Variants in ZNF600 observed in about 807,000 individuals in gnomAD.
ZNF600 encodes zinc finger protein KR-ZNF1.
Under a neutral mutation model 7.3 loss-of-function variants are expected in ZNF600, and 4 were observed. That is an observed-to-expected ratio of 0.55 (90% CI 0.27 to 1.25). ZNF600 has a LOEUF of 1.25. Among genes scored for constraint, ZNF600 ranks in the 50% most tolerant of loss-of-function variants. The pLI is 0.12. For missense variants in ZNF600, 911 were observed against 922.1 expected (o/e 0.99, Z 0.16); for synonymous variants, 290 against 308.9 (o/e 0.94, Z 0.64).
At chr19:52,799,898 G>A in the ZNF600 span, 2 of 1,613,346 alleles carry the variant, frequency 1.2e-6, no homozygotes, top group South Asian at 1.1e-5. Context: ...GGTATACGAG[G>A]GATGACATCT....
the ZNF600 span, among the ~76,000 whole-genome samples, chr19:52,794,112 T>G: frequency 5.9e-5 from 9 of 151,708 alleles, no homozygotes; most frequent in African/African-American, 1.9e-4. Flanking sequence ...TAGAGCTCAG[T>G]GGAGAGGCCT....
the ZNF600 span, among the ~76,000 whole-genome samples, chr19:52,831,796 T>G: frequency 1.3e-5 from 2 of 151,492 alleles, no homozygotes; most frequent in Admixed American, 6.6e-5. Context: ...GTGCCACTGC[T>G]CCCATCCTAA....
At chr19:52,810,503 G>A in the ZNF600 span, 2 of 1,588,162 alleles carry the variant, frequency 1.3e-6, no homozygotes, top group South Asian at 2.2e-5. Context: ...CCTATTTAGA[G>A]GAAGGCAAAT....
chr19:52,790,025 G>A (rs1301425792), upstream of ZNF600, among the ~76,000 whole-genome samples: 2 of 152,116 alleles, frequency 1.3e-5, no homozygotes, highest in Non-Finnish European at 2.9e-5. Context: ...GCCAGGAGAA[G>A]GAATTTCACA....
the ZNF600 span, among the ~76,000 whole-genome samples, chr19:52,811,530 A>G: frequency 2.3e-4 from 29 of 128,778 alleles, no homozygotes; most frequent in East Asian, 4.8e-4. Flanking sequence ...TGTGGGGAGC[A>G]CCTCTGCCCC....
chr19:52,794,670 G>A, the ZNF600 span, among the ~76,000 whole-genome samples: 1 of 152,082 alleles, frequency 6.6e-6, no homozygotes, highest in Non-Finnish European at 1.5e-5. Context: ...CGTGGGAGAC[G>A]TGGTGAAACC....
At position 52,768,920 on chromosome 19, in the gene ZNF600, G is replaced by A. The variant is rs533453096; in HGVS notation, c.191-1148C>T. On this transcript the variant is annotated intron_variant, in intron 3 of 3. Coordinates refer to ENST00000648973, the Ensembl canonical transcript of ZNF600. ...TTATTCCAATATTATAATAATCCTC[G>A]CTCTATAATCATAACCTAAGAAAAG... 9.7e-4 allele frequency among the ~76,000 whole-genome samples: 147 copies of A among 152,082 alleles called. 1 individual carries two copies. In the Middle Eastern group the frequency reaches 0.024, roughly 25 times the overall value.
intron 1 of ZNF600, among the ~76,000 whole-genome samples, chr19:52,782,194 C>T (rs2062728140): frequency 6.6e-6 from 1 of 152,110 alleles, no homozygotes; most frequent in South Asian, 2.1e-4. Flanking sequence ...TGCCACTGCA[C>T]TCCAGCCTGG....
At chr19:52,797,170 C>T in the ZNF600 span, among the ~76,000 whole-genome samples, 1 of 152,234 alleles carries the variant, frequency 6.6e-6, no homozygotes, top group African/African-American at 2.4e-5. Context: ...AAGCATTTCA[C>T]AAAATTCAAC....
chr19:52,791,940 T>C, the ZNF600 span, among the ~76,000 whole-genome samples: 2 of 152,210 alleles, frequency 1.3e-5, no homozygotes, highest in Non-Finnish European at 2.9e-5. Flanking sequence ...AATGGAGGAC[T>C]CAGAGCTTCG....
At chr19:52,788,979 G>C (rs920452346), upstream of ZNF600, among the ~76,000 whole-genome samples, 1 of 152,184 alleles carries the variant, frequency 6.6e-6, no homozygotes, top group African/African-American at 2.4e-5. Flanking sequence ...TCTGCTCTCC[G>C]CTTGGGGACT....
the ZNF600 span, among the ~76,000 whole-genome samples, chr19:52,827,534 G>T: frequency 6.6e-6 from 1 of 151,774 alleles, no homozygotes; most frequent in Admixed American, 6.6e-5. Context: ...CATGCCCAGT[G>T]CAGCCTCTAT....
chr19:52,804,617 G>A, the ZNF600 span, among the ~76,000 whole-genome samples: 2 of 152,056 alleles, frequency 1.3e-5, no homozygotes, highest in Non-Finnish European at 2.9e-5. Context: ...GTGATCAACC[G>A]ATCGCAGTCT....
the ZNF600 span, chr19:52,798,483 C>A: frequency 4.1e-6 from 2 of 488,844 alleles, no homozygotes; most frequent in Non-Finnish European, 8.3e-6. Flanking sequence ...AAGGAGTGAT[C>A]TCGGACTGAA....
chr19:52,786,845 C>A (rs1974834), upstream of ZNF600: 86,974 of 269,060 alleles, frequency 0.32, 17,728 homozygotes, highest in East Asian at 0.7. Context: ...GGCGGGGCCC[C>A]AGGCGGAGAG....
At chr19:52,809,676 G>A in the ZNF600 span, 3 of 356,716 alleles carry the variant, frequency 8.4e-6, no homozygotes, top group South Asian at 8.2e-5. Context: ...CGTGGTGTTG[G>A]CTGCCTGTAA....
At chr19:52,792,899 A>G in the ZNF600 span, among the ~76,000 whole-genome samples, 1 of 146,788 alleles carries the variant, frequency 6.8e-6, no homozygotes, top group Non-Finnish European at 1.5e-5. Flanking sequence ...CGCCCAACTA[A>G]TTTTTTTTTT....
the ZNF600 span, among the ~76,000 whole-genome samples, chr19:52,816,115 AG>A: frequency 6.8e-6 from 1 of 147,458 alleles, no homozygotes; most frequent in East Asian, 2.0e-4. Context: ...AGGATGTGAC[AG>A]GGAAAGGAGA....
At chr19:52,822,166 G>A in the ZNF600 span, among the ~76,000 whole-genome samples, 1 of 135,414 alleles carries the variant, frequency 7.4e-6, no homozygotes, top group Admixed American at 8.8e-5. Context: ...TCTGCCTCCT[G>A]GGTTGAAGCG....
Sources: gnomAD v4.1 joint callset for allele counts (sites outside exome capture counted in the v4.1 genomes callset) on GRCh38, gnomAD v4.1.1 for gene constraint, MANE v1.5 for transcripts, NCBI Gene and HGNC (gene_info 2026-07-23, HGNC 2026-07-21) for gene names.